TECTA: variants seen among roughly 807,000 people sequenced by gnomAD.
TECTA encodes alpha-tectorin.
In TECTA, 128 loss-of-function variants were observed where a neutral mutation model predicts 216.8. That is an observed-to-expected ratio of 0.59 (90% CI 0.51 to 0.68). TECTA has a LOEUF of 0.68. Ranked by LOEUF, TECTA falls within the 30% of genes least tolerant of loss-of-function variation. The pLI is 0.00. For missense variants in TECTA, 2,551 were observed against 2,786.2 expected (o/e 0.92, Z 1.90); for synonymous variants, 1,089 against 1,117.1 (o/e 0.97, Z 0.50).
chr11:121,159,160 T>A (rs574320217), intron 14 of TECTA, among the ~76,000 whole-genome samples: 12 of 152,326 alleles, frequency 7.9e-5, no homozygotes, highest in Middle Eastern at 3.4e-3. Flanking sequence ...AAATAGCGTA[T>A]CCAGCATCAG....
At chr11:121,175,706 G>T (rs1947158945) in intron 20 of TECTA, among the ~76,000 whole-genome samples, 1 of 152,198 alleles carries the variant, frequency 6.6e-6, no homozygotes, top group Non-Finnish European at 1.5e-5. Context: ...TGTCTATTAG[G>T]TCTGCTTGGA....
At chr11:121,124,422 A>G (rs1946587457) in intron 7 of TECTA, among the ~76,000 whole-genome samples, 1 of 151,868 alleles carries the variant, frequency 6.6e-6, no homozygotes, top group Admixed American at 6.6e-5. Context: ...CTTGTCCTGG[A>G]TTTCTCTGCC....
chr11:121,165,430 A>T (rs1240825076), intron 17 of TECTA, 47 bp downstream of exon 17: 1 of 1,494,936 alleles, frequency 6.7e-7, no homozygotes, highest in South Asian at 1.2e-5. Context: ...CCCATGGGAG[A>T]TGCTGCTCTG....
chr11:121,113,068 G>GT lies in TECTA; in HGVS notation c.487-3dup. 6.2e-7 allele frequency: 1 copy of GT among 1,614,074 alleles called. No individual in the cohort carries two copies. Among genetic ancestry groups the GT allele is most frequent in the Non-Finnish European group, 8.5e-7 (1 of 1,180,000 alleles). ...TCATGAGACTGCGCATTCCCATCCT[G>GT]TAGGTGAACACCTTCCAGGCCGTCC... is the stretch of plus-strand genomic sequence containing the variant. On this transcript the variant is annotated splice_region_variant and splice_polypyrimidine_tract_variant and intron_variant, in intron 4 of 23. Coordinates refer to ENST00000392793, the MANE Select transcript of TECTA (RefSeq NM_005422.4). This position sits in a 1 kb window ranked among gnomAD's most constrained non-coding sequence, Gnocchi z 4.2.
intron 10 of TECTA, among the ~76,000 whole-genome samples, chr11:121,134,909 A>G (rs1946711477): frequency 6.6e-6 from 1 of 152,150 alleles, no homozygotes; most frequent in African/African-American, 2.4e-5. Context: ...AAAGCTTCTC[A>G]CTATCCCTCA....
intron 6 of TECTA, among the ~76,000 whole-genome samples, chr11:121,117,907 C>T (rs779586621): frequency 2.0e-5 from 3 of 152,162 alleles, no homozygotes; most frequent in Non-Finnish European, 4.4e-5. Flanking sequence ...TGAGTGTTGC[C>T]GAGTAACCTG....
chr11:121,178,200 T>G (rs996036529), intron 20 of TECTA, among the ~76,000 whole-genome samples: 9 of 152,218 alleles, frequency 5.9e-5, no homozygotes, highest in African/African-American at 1.9e-4. Context: ...CTGCGCCCAC[T>G]GTCTGGCACT....
chr11:121,109,560 C>G (rs56275798), intron 4 of TECTA, 62 bp downstream of exon 4: 1 of 1,593,436 alleles, frequency 6.3e-7, no homozygotes, highest in African/African-American at 1.3e-5. Flanking sequence ...TGTCCATCTT[C>G]GCTACCACGA....
chr11:121,167,570 C>A (rs1202242501), intron 18 of TECTA, among the ~76,000 whole-genome samples: 1 of 152,204 alleles, frequency 6.6e-6, no homozygotes, highest in East Asian at 1.9e-4. Context: ...TCTGTGTCTT[C>A]TATTCATGGC....
rs1946831454 is a variant in TECTA, at chr11:121,145,926, C to T, written c.3915C>T (p.Pro1305=). The T allele has an allele frequency of 1.2e-6, 2 of 1,614,124 alleles. No homozygotes were observed. Among genetic ancestry groups the T allele is most frequent in the African/African-American group, 2.7e-5 (2 of 74,952 alleles). Residue 1305 remains proline (P), a synonymous_variant, in exon 12 of 24, where the codon CCC becomes CCT. Transcript: ENST00000392793. ...SKVQQLCSLI[P]NQNAAFSKCH... is the part of the protein sequence containing the mutation. The stretch of plus-strand genomic sequence containing the variant: ...TGCAGCAGCTGTGCAGCCTGATCCC[C>T]AACCAGAACGCTGCCTTCTCCAAGT...
chr11:121,118,526 C>A lies in TECTA; in HGVS notation c.1011C>A (p.Leu337=), dbSNP rs761798437. 6.2e-7 allele frequency: 1 copy of A among 1,614,218 alleles called. No individual in the cohort carries two copies. Among genetic ancestry groups the A allele is most frequent in the Admixed American group, 1.7e-5 (1 of 60,030 alleles). The change falls in exon 7 of 24, where the codon CTC becomes CTA. Residue 337 remains leucine (L), a synonymous_variant. Transcript: ENST00000392793. The part of the protein sequence containing the change: ...EPHYHTFDGF[L]FHFQGSCAYL... ...ACTACCACACTTTTGACGGCTTCCT[C>A]TTCCACTTCCAAGGCTCCTGTGCCT...
At chr11:121,124,602 C>T (rs914166177) in intron 7 of TECTA, among the ~76,000 whole-genome samples, 5 of 152,214 alleles carry the variant, frequency 3.3e-5, no homozygotes, top group Non-Finnish European at 5.9e-5. Context: ...CTGTAAGTAT[C>T]GATGCATGTC....
In TECTA at chr11:121,118,636, C is replaced by CCGTCT; in HGVS notation, c.1123_1127dup (p.Trp377SerfsTer4). The CCGTCT allele has an allele frequency of 1.2e-6, 2 of 1,614,138 alleles. No individual in the cohort carries two copies. The highest frequency in any genetic ancestry group is 1.7e-6 in the Non-Finnish European group (2 of 1,180,032). ...AAGAATGAACACCGCAGAGGTTCAG[C>CCGTCT]CGTCTCCTGGGTGAAGGAGCTCTCA... On this transcript the variant is annotated frameshift_variant, in exon 7 of 24. Transcript: ENST00000392793. LOFTEE classifies it high-confidence loss of function.
At chr11:121,163,767 A>G (rs1415408297) in intron 16 of TECTA, among the ~76,000 whole-genome samples, 1 of 152,216 alleles carries the variant, frequency 6.6e-6, no homozygotes, top group Non-Finnish European at 1.5e-5. Context: ...ATGGACCACC[A>G]CGTTTGTAAA....
chr11:121,122,316 T>C (rs187494474), intron 7 of TECTA, among the ~76,000 whole-genome samples: 1 of 152,126 alleles, frequency 6.6e-6, no homozygotes, highest in Admixed American at 6.5e-5. Flanking sequence ...TCACCATATG[T>C]GAACACAGCT....
chr11:121,125,963 C>T (rs974605240), intron 8 of TECTA, 91 bp downstream of exon 8: 7 of 1,431,308 alleles, frequency 4.9e-6, no homozygotes, highest in Admixed American at 1.9e-5. Context: ...CTTGTTAAGA[C>T]TTGTGACCCA....
chr11:121,113,189 C>G lies in TECTA; in HGVS notation c.604C>G (p.Leu202Val), dbSNP rs1356685992. The G allele has an allele frequency of 2.5e-6, 4 of 1,614,080 alleles. No homozygotes were observed. Among genetic ancestry groups the G allele is most frequent in the Non-Finnish European group, 3.4e-6 (4 of 1,180,016 alleles). The change falls in exon 5 of 24, where the codon CTT becomes GTT. Residue 202 changes from leucine to valine, a missense_variant. Leu to Val is a conservative substitution (Grantham distance 32). This residue lies in a region of TECTA where 2,375 missense variants were observed against 2,563.9 expected (regional missense o/e 0.93). Coordinates refer to ENST00000392793, the MANE Select transcript of TECTA (RefSeq NM_005422.4). This position sits in a 1 kb window ranked among gnomAD's most constrained non-coding sequence, Gnocchi z 4.2. The stretch of plus-strand genomic sequence containing the variant: ...GAGTGGCGGCGACCCCCTGACAGGT[C>G]TTGGTGGAGTGATGGCACAGGTAGG... ...TASGGDPLTG[L>V]GGVMAQAGFN...
chr11:121,161,558 T>TCCCCTCCCC (rs1565534097), intron 15 of TECTA, among the ~76,000 whole-genome samples: 2 of 6,848 alleles, frequency 2.9e-4, no homozygotes, highest in African/African-American at 4.3e-4. Context: ...TTCCCTTCCC[T>TCCCCTCCCC]TCCCTTCCCT....
At chr11:121,149,015 A>G (rs1458536764) in intron 12 of TECTA, among the ~76,000 whole-genome samples, 4 of 152,204 alleles carry the variant, frequency 2.6e-5, no homozygotes, top group Admixed American at 6.5e-5. Context: ...GGAATAAATG[A>G]CAGTTCCTTA....
Sources: allele counts gnomAD v4.1 joint callset (sites outside exome capture counted in the v4.1 genomes callset), GRCh38; gene constraint gnomAD v4.1.1; regional missense constraint gnomAD v4.1.1; non-coding constraint Gnocchi (gnomAD v3.1); transcripts MANE v1.5; gene names NCBI Gene and HGNC (gene_info 2026-07-23, HGNC 2026-07-21).